ATP10B: variants seen among roughly 807,000 people sequenced by gnomAD.
ATP10B encodes ATPase phospholipid transporting 10B (putative).
ATP10B carries 122 observed loss-of-function variants against 141.2 expected under a neutral mutation model. The ratio of observed to expected loss-of-function variants is 0.86; its 90% CI spans 0.75 to 1.00. The LOEUF is 1.00. Among genes scored for constraint, ATP10B ranks in the 50% least tolerant of loss-of-function variants. The pLI is 0.00. For missense variants in ATP10B, 1,876 were observed against 1,825.3 expected (o/e 1.03, Z -0.51); for synonymous variants, 685 against 692.0 (o/e 0.99, Z 0.16).
chr5:160,653,777 TATAC>T (rs1318078062), intron 7 of ATP10B, among the ~76,000 whole-genome samples: 2,281 of 119,518 alleles, frequency 0.019, 114 homozygotes, highest in African/African-American at 0.071. Context: ...TATATACATA[TATAC>T]ATATATATTA....
intron 1 of ATP10B, among the ~76,000 whole-genome samples, chr5:160,798,918 AT>A: frequency 6.6e-6 from 1 of 151,936 alleles, no homozygotes; most frequent in South Asian, 2.1e-4. Flanking sequence ...TGCCCAGCTA[AT>A]TTTTGTACTT....
intron 2 of ATP10B, among the ~76,000 whole-genome samples, chr5:160,722,184 C>T (rs563568865): frequency 7.2e-5 from 11 of 152,188 alleles, no homozygotes; most frequent in Non-Finnish European, 1.5e-4. Context: ...CTGGGTTAAA[C>T]ATCTCATAAT....
chr5:160,635,756 C>T (rs543268212), intron 11 of ATP10B, among the ~76,000 whole-genome samples: 3 of 152,288 alleles, frequency 2.0e-5, no homozygotes, highest in African/African-American at 7.2e-5. Context: ...TCTTTTCCTT[C>T]TCAATGTATC....
At position 160,599,068 on chromosome 5, in the gene ATP10B, C is replaced by A. The variant is rs558443588; in HGVS notation, c.3364-98G>T. ...CTGGGAGCTGCTGGAGTGGCAGTTG[C>A]CTCATTTATAACACACAGGGTTATG... On this transcript the variant is annotated intron_variant, in intron 21 of 25. Coordinates refer to ENST00000327245, the MANE Select transcript of ATP10B (RefSeq NM_025153.3). 14 of 1,074,390 alleles carry A rather than the reference C, an allele frequency of 1.3e-5. No homozygotes were observed. In the East Asian group the frequency reaches 3.4e-4, roughly 26 times the overall value. 66.6% of individuals were successfully genotyped at this position (1,074,390 alleles called of 1,614,324 possible). A position where few individuals can be genotyped will look rare whatever the true frequency, so the allele number is the denominator to read the frequency against.
At position 160,565,315 on chromosome 5, in the gene ATP10B, C is replaced by G; in HGVS notation, c.*138G>C. ...GTCAGACCCCTTGGGGCCAGCACTT[C>G]CTCCATGGAAGTCAAGGTTGTTGAA... On this transcript the variant is annotated 3_prime_UTR_variant, in exon 26 of 26. Coordinates refer to ENST00000327245, the MANE Select transcript of ATP10B (RefSeq NM_025153.3). 1 of 912,390 alleles carries G rather than the reference C, an allele frequency of 1.1e-6. No homozygotes were observed. The highest frequency in any genetic ancestry group is 2.6e-5 in the East Asian group (1 of 39,132). The allele number at this position is 912,390 out of a possible 1,614,324, so 56.5% of individuals were successfully genotyped here. A position where few individuals can be genotyped will look rare whatever the true frequency, so the allele number is the denominator to read the frequency against.
chr5:160,591,959 G>T (rs1265379434), intron 22 of ATP10B, among the ~76,000 whole-genome samples: 1 of 152,074 alleles, frequency 6.6e-6, no homozygotes, highest in African/African-American at 2.4e-5. Flanking sequence ...ACTACACTTG[G>T]CTTTGCCCTT....
chr5:160,903,661 C>T, the ATP10B span, among the ~76,000 whole-genome samples: 2 of 152,104 alleles, frequency 1.3e-5, no homozygotes, highest in African/African-American at 2.4e-5. Context: ...GGTAGAGCCA[C>T]CCTCTCATCA....
intron 1 of ATP10B, among the ~76,000 whole-genome samples, chr5:160,829,277 T>C (rs1424762715): frequency 2.0e-5 from 3 of 152,178 alleles, no homozygotes; most frequent in Non-Finnish European, 4.4e-5. Flanking sequence ...GGTTTATGGT[T>C]TTATTTCTGG....
intron 2 of ATP10B, among the ~76,000 whole-genome samples, chr5:160,744,624 A>G (rs1054858677): frequency 5.8e-4 from 89 of 152,356 alleles, no homozygotes; most frequent in African/African-American, 2.1e-3. Flanking sequence ...CCAAATTTGT[A>G]GAGTAACACT....
At chr5:160,701,011 G>A (rs1165238108) in intron 3 of ATP10B, among the ~76,000 whole-genome samples, 4 of 152,060 alleles carry the variant, frequency 2.6e-5, no homozygotes, top group African/African-American at 9.7e-5. Context: ...TTACATGTGT[G>A]TCTGTTTGCT....
intron 1 of ATP10B, among the ~76,000 whole-genome samples, chr5:160,813,582 G>A (rs1299863796): frequency 1.3e-5 from 2 of 152,192 alleles, no homozygotes; most frequent in African/African-American, 2.4e-5. Context: ...ACAAAAGGCA[G>A]CAGAATCCTC....
intron 3 of ATP10B, among the ~76,000 whole-genome samples, chr5:160,699,912 A>T (rs1014330681): frequency 1.3e-5 from 2 of 152,166 alleles, no homozygotes; most frequent in Non-Finnish European, 2.9e-5. Context: ...AATATAATAT[A>T]ATGTCCTTCC....
intron 1 of ATP10B, among the ~76,000 whole-genome samples, chr5:160,835,262 C>T (rs924639687): frequency 1.3e-5 from 2 of 152,126 alleles, no homozygotes; most frequent in African/African-American, 2.4e-5. Context: ...AGTTCAAATT[C>T]CAAACACTGG....
At chr5:160,602,817 C>A in intron 20 of ATP10B, 115 bp from the exon 21 acceptor site, 3 of 1,436,076 alleles carry the variant, frequency 2.1e-6, no homozygotes, top group Non-Finnish European at 2.8e-6. Context: ...TCCTAAAGAC[C>A]CCTTGTTGTG....
chr5:160,690,238 A>C (rs999978834), intron 3 of ATP10B, among the ~76,000 whole-genome samples: 2 of 152,246 alleles, frequency 1.3e-5, no homozygotes, highest in Admixed American at 6.5e-5. Context: ...GGTAAGACCC[A>C]AAACCATAAA....
chr5:160,869,224 T>A, the ATP10B span, among the ~76,000 whole-genome samples: 1 of 152,156 alleles, frequency 6.6e-6, no homozygotes, highest in Non-Finnish European at 1.5e-5. Flanking sequence ...TTGCTATTAT[T>A]ACCACACTCT....
intron 1 of ATP10B, among the ~76,000 whole-genome samples, chr5:160,806,096 A>G (rs1274720805): frequency 6.6e-6 from 1 of 152,172 alleles, no homozygotes; most frequent in African/African-American, 2.4e-5. Flanking sequence ...CAGATTGTAT[A>G]AAGCCCACCC....
chr5:160,772,145 T>G (rs935177264), intron 2 of ATP10B, among the ~76,000 whole-genome samples: 3 of 152,240 alleles, frequency 2.0e-5, no homozygotes, highest in Admixed American at 2.0e-4. Flanking sequence ...TACCCAGAAG[T>G]GAAATTGCTG....
At chr5:160,901,301 G>C in the ATP10B span, among the ~76,000 whole-genome samples, 160 of 152,212 alleles carry the variant, frequency 1.1e-3, 1 homozygote, top group Admixed American at 1.8e-3. Context: ...TCTTGATACA[G>C]TGTTAAGAGA....
Sources: allele counts gnomAD v4.1 joint callset (sites outside exome capture counted in the v4.1 genomes callset), GRCh38; gene constraint gnomAD v4.1.1; transcripts MANE v1.5; gene names NCBI Gene and HGNC (gene_info 2026-07-23, HGNC 2026-07-21).